Variants in WDR73 observed in about 807,000 individuals in gnomAD.
WDR73 encodes the protein integrator complex assembly factor WDR73.
A neutral mutation model predicts 38.2 loss-of-function variants in WDR73; 30 were observed. That is an observed-to-expected ratio of 0.79 (90% CI 0.59 to 1.06). WDR73 has a LOEUF of 1.06. WDR73 is among the 50% of genes least tolerant of loss of function. The pLI is 0.00. For synonymous variants in WDR73, 197 were observed against 176.0 expected (o/e 1.12, Z -0.94); for missense variants, 487 against 467.0 (o/e 1.04, Z -0.40).
At chr15:84,652,195 A>T (rs1237821204) in intron 3 of WDR73, among the ~76,000 whole-genome samples, 1 of 152,168 alleles carries the variant, frequency 6.6e-6, no homozygotes, top group Non-Finnish European at 1.5e-5. Flanking sequence ...ATTTTATTGG[A>T]ACTCTAGACA....
intron 1 of WDR73, 187 bp from the exon 2 acceptor site, chr15:84,653,886 C>A (rs1215121829): frequency 4.8e-6 from 3 of 623,930 alleles, no homozygotes; most frequent in Admixed American, 2.7e-5. Flanking sequence ...GAGCCTCGGT[C>A]CTCATGTGTG....
In WDR73 at chr15:84,640,745, T is replaced by C. The variant is rs954443937; in HGVS notation, c.*2725A>G. 2 of 152,168 alleles carry C rather than the reference T, an allele frequency of 1.3e-5. No individual in the cohort carries two copies. Among genetic ancestry groups the C allele is most frequent in the Admixed American group, 6.5e-5 (1 of 15,278 alleles). The allele number at this position is 152,168 out of a possible 1,614,324, so 9.4% of individuals were successfully genotyped here. A position where few individuals can be genotyped will look rare whatever the true frequency, so the allele number is the denominator to read the frequency against. On this transcript the variant is annotated 3_prime_UTR_variant, in exon 8 of 8. Coordinates refer to ENST00000434634, the MANE Select transcript of WDR73 (RefSeq NM_032856.5). ...AAAGAATTTAAAATAAAGTGTTCCA[T>C]AGATGTGAACCCTGCGTAGATTATA...
intron 3 of WDR73, among the ~76,000 whole-genome samples, chr15:84,650,976 G>A (rs1450422776): frequency 2.6e-5 from 4 of 152,234 alleles, no homozygotes; most frequent in South Asian, 2.1e-4. Flanking sequence ...TTAACCAGGT[G>A]TGGTGGCACA....
chr15:84,645,409 CACCCAACAGT>C, intron 7 of WDR73, 52 bp downstream of exon 7: 3 of 1,596,882 alleles, frequency 1.9e-6, no homozygotes, highest in Non-Finnish European at 2.6e-6. Flanking sequence ...CCTTCCTGAG[CACCCAACAGT>C]CTCCTGGAAG....
intron 7 of WDR73, chr15:84,645,207 C>T: frequency 7.4e-7 from 1 of 1,350,650 alleles, no homozygotes; most frequent in Non-Finnish European, 9.6e-7. Context: ...GTCCCAGTGT[C>T]TTACTGTCTG....
rs1269068573 is a variant in WDR73 at position 84,642,960 on chromosome 15, A to C, written c.*510T>G. The C allele has an allele frequency of 1.3e-5, 2 of 156,776 alleles. No individual in the cohort carries two copies. The highest frequency in any genetic ancestry group is 4.8e-5 in the African/African-American group (2 of 41,414). The allele number at this position is 156,776 out of a possible 1,614,324, so 9.7% of individuals were successfully genotyped here. On this transcript the variant is annotated 3_prime_UTR_variant, in exon 8 of 8. Transcript: ENST00000434634. ...ATGTTTGTGGGGCCACCAAAAGCAA[A>C]TGTCTCTTGAACCTAGTCACCTGGG...
chr15:84,646,574 G>T, intron 5 of WDR73: 2 of 580,432 alleles, frequency 3.4e-6, no homozygotes, highest in Non-Finnish European at 5.2e-6. Context: ...ACTGTTTTTT[G>T]CAAATGGAAG....
rs952327915 is a variant in WDR73 at position 84,643,150 on chromosome 15, A to G, written c.*320T>C. On this transcript the variant is annotated 3_prime_UTR_variant, in exon 8 of 8. Transcript: ENST00000434634. ...AAAAAAATTCACAAAGCATGTTTAT[A>G]TTTGTTAGCTCTTTTGATTCTCCCT... 4 of 252,420 alleles carry G rather than the reference A, an allele frequency of 1.6e-5. No homozygotes were observed. Among genetic ancestry groups the G allele is most frequent in the African/African-American group, 6.7e-5 (3 of 44,796 alleles). 15.6% of individuals were successfully genotyped at this position (252,420 alleles called of 1,614,324 possible).
chr15:84,648,420 C>A, intron 4 of WDR73, 117 bp downstream of exon 4: 1 of 735,738 alleles, frequency 1.4e-6, no homozygotes, highest in Non-Finnish European at 2.4e-6. Flanking sequence ...TGTGCACTCA[C>A]ATGTGCCTGT....
intron 3 of WDR73, among the ~76,000 whole-genome samples, chr15:84,649,054 G>A (rs1309616898): frequency 2.6e-5 from 4 of 152,064 alleles, no homozygotes; most frequent in Non-Finnish European, 5.9e-5. Context: ...CAGTGTTTAG[G>A]GCTTTATCAC....
chr15:84,653,527 C>T, intron 2 of WDR73, 105 bp downstream of exon 2: 1 of 764,356 alleles, frequency 1.3e-6, no homozygotes. Flanking sequence ...CTACAAGTGA[C>T]TCTCAGGTGC....
At chr15:84,649,717 G>C (rs1338202215) in intron 3 of WDR73, among the ~76,000 whole-genome samples, 1 of 152,094 alleles carries the variant, frequency 6.6e-6, no homozygotes, top group Non-Finnish European at 1.5e-5. Context: ...TGATCCGCCT[G>C]CCTCAGCCTC....
At position 84,654,238 on chromosome 15, in the gene WDR73, G is replaced by T. The variant is rs746368445; in HGVS notation, c.37C>A (p.Arg13Ser). ...TCCCAGCCCCGTACGATTTACAAGC[G>T]CAAGGATTCCACCAGCCAGTCGTCC... Reference protein sequence around the residue: ...PGDDWLVESLRLYQDFYAFDL... With the variant: ...PGDDWLVESLSLYQDFYAFDL... The change falls in exon 1 of 8, where the codon CGC becomes AGC. Residue 13 changes from arginine (R) to serine (S), a missense_variant. Transcript: ENST00000434634. 1.9e-6 allele frequency: 3 copies of T among 1,613,804 alleles called. No individual in the cohort carries two copies. The highest frequency in any genetic ancestry group is 1.7e-5 in the Admixed American group (1 of 59,998).
chr15:84,648,167 G>T, intron 4 of WDR73: 1 of 614,238 alleles, frequency 1.6e-6, no homozygotes, highest in Non-Finnish European at 2.9e-6. Flanking sequence ...TGTCATGATG[G>T]TCACCTACAG....
At chr15:84,652,648 G>C (rs982415045) in intron 3 of WDR73, 66 bp downstream of exon 3, 3 of 976,852 alleles carry the variant, frequency 3.1e-6, no homozygotes, top group Non-Finnish European at 4.5e-6. Context: ...GTAGATAACA[G>C]GAGCTCCACA....
intron 3 of WDR73, among the ~76,000 whole-genome samples, chr15:84,652,133 T>C (rs1774638588): frequency 6.6e-6 from 1 of 152,220 alleles, no homozygotes; most frequent in South Asian, 2.1e-4. Context: ...CCCAAAGTGC[T>C]GGGATTACAG....
At chr15:84,648,687 C>A in intron 3 of WDR73, 62 bp from the exon 4 acceptor site, 1 of 1,340,066 alleles carries the variant, frequency 7.5e-7, no homozygotes. Flanking sequence ...CAGAGGAACT[C>A]TAAGTGAGGA....
chr15:84,650,581 G>A (rs376003370), intron 3 of WDR73, among the ~76,000 whole-genome samples: 5 of 152,040 alleles, frequency 3.3e-5, no homozygotes, highest in Non-Finnish European at 7.4e-5. Context: ...GACTGGTCTC[G>A]AACTCCTGAC....
Position 84,643,050 on chromosome 15 carries a change from G to A in WDR73, c.*420C>T, listed in dbSNP as rs555939696. The A allele has an allele frequency of 1.7e-5, 3 of 174,306 alleles. No individual in the cohort carries two copies. The highest frequency in any genetic ancestry group is 1.7e-4 in the East Asian group (1 of 5,864). 10.8% of individuals were successfully genotyped at this position (174,306 alleles called of 1,614,324 possible). A position where few individuals can be genotyped will look rare whatever the true frequency, so the allele number is the denominator to read the frequency against. On this transcript the variant is annotated 3_prime_UTR_variant, in exon 8 of 8. Coordinates refer to ENST00000434634, the MANE Select transcript of WDR73 (RefSeq NM_032856.5). ...CCCACTCAAGAGGAGCAGAAATCCT[G>A]TTTTGCTATTTCCTTAATTGCTACT...
Sources: allele counts gnomAD v4.1 joint callset (sites outside exome capture counted in the v4.1 genomes callset), GRCh38; gene constraint gnomAD v4.1.1; transcripts MANE v1.5; gene names NCBI Gene and HGNC (gene_info 2026-07-23, HGNC 2026-07-21).